RAB3GAP2: variants seen among roughly 807,000 people sequenced by gnomAD.
RAB3GAP2 encodes the protein rab3 GTPase-activating protein non-catalytic subunit.
RAB3GAP2 carries 87 observed loss-of-function variants against 185.3 expected under a neutral mutation model. The observed-to-expected ratio is 0.47, with a 90% CI of 0.39 to 0.56. The LOEUF is 0.56. Among genes scored for constraint, RAB3GAP2 ranks in the 20% least tolerant of loss-of-function variants. The pLI is 0.00. For missense variants in RAB3GAP2, 1,492 were observed against 1,638.2 expected, an observed-to-expected ratio of 0.91 and a Z score of 1.54; for synonymous variants, 554 against 576.1, an observed-to-expected ratio of 0.96 and a Z score of 0.55.
At chr1:220,226,945 G>A (rs1188670042) in intron 2 of RAB3GAP2, among the ~76,000 whole-genome samples, 1 of 152,180 alleles carries the variant, frequency 6.6e-6, no homozygotes, top group East Asian at 1.9e-4. Flanking sequence ...CCCAGCATGT[G>A]TACATAGAAG....
chr1:220,211,876 G>A (rs559422333), intron 4 of RAB3GAP2, among the ~76,000 whole-genome samples: 2 of 152,184 alleles, frequency 1.3e-5, no homozygotes, highest in African/African-American at 4.8e-5. Context: ...ACTAAATGGC[G>A]TAAGGAGAAA....
At chr1:220,190,916 C>A in intron 14 of RAB3GAP2, 152 bp downstream of exon 14, 1 of 749,906 alleles carries the variant, frequency 1.3e-6, no homozygotes, top group Non-Finnish European at 2.3e-6. Flanking sequence ...TACTTAAGTA[C>A]ATGCCAGGCA....
intron 1 of RAB3GAP2, among the ~76,000 whole-genome samples, chr1:220,241,012 T>C (rs539356501): frequency 1.3e-4 from 20 of 152,202 alleles, no homozygotes; most frequent in African/African-American, 4.8e-4. Context: ...AAATGAAACC[T>C]TCAAACCATA....
chr1:220,178,671 C>T lies in RAB3GAP2; in HGVS notation c.2310+3586G>A, dbSNP rs540062392. The stretch of plus-strand genomic sequence containing the variant: ...ATAGATACACAAAAATCAAAAGTAG[C>T]GAATTGAAACATACTACAAGAGAAA... On this transcript the variant is annotated intron_variant, in intron 21 of 34. Transcript: ENST00000358951. Among the ~76,000 whole-genome samples the T allele has an allele frequency of 4.6e-5, 7 of 151,018 alleles. No individual in the cohort carries two copies. The South Asian group carries it at 1.0e-3, about 23-fold the overall frequency.
At chr1:220,167,183 C>T (rs540583809) in intron 26 of RAB3GAP2, 110 bp downstream of exon 26, 40 of 962,484 alleles carry the variant, frequency 4.2e-5, no homozygotes, top group African/African-American at 2.6e-4. Context: ...GGCATTACAA[C>T]GGGGAAAAAG....
intron 31 of RAB3GAP2, among the ~76,000 whole-genome samples, chr1:220,154,852 C>T (rs941867901): frequency 2.6e-5 from 4 of 151,660 alleles, no homozygotes; most frequent in Admixed American, 1.3e-4. Flanking sequence ...TCCCAAGTAG[C>T]TGGGACTACA....
chr1:220,238,260 G>A (rs949106272), intron 1 of RAB3GAP2, among the ~76,000 whole-genome samples: 1 of 152,140 alleles, frequency 6.6e-6, no homozygotes, highest in African/African-American at 2.4e-5. Context: ...GCCCAGGCTG[G>A]TGATGTGTGT....
intron 1 of RAB3GAP2, among the ~76,000 whole-genome samples, chr1:220,271,768 G>A (rs1660336917): frequency 6.6e-6 from 1 of 152,118 alleles, no homozygotes; most frequent in East Asian, 1.9e-4. Context: ...CGGGATGGAA[G>A]AGAGTGGGAG....
intron 1 of RAB3GAP2, chr1:220,254,366 T>G: frequency 6.2e-7 from 1 of 1,613,342 alleles, no homozygotes; most frequent in Non-Finnish European, 8.5e-7. Flanking sequence ...CTCCTGAGAT[T>G]ATTTGTACGA....
chr1:220,157,781 T>G, intron 30 of RAB3GAP2, 21 bp downstream of exon 30: 1 of 1,581,114 alleles, frequency 6.3e-7, no homozygotes, highest in Non-Finnish European at 8.7e-7. Flanking sequence ...CAGTTCAGAA[T>G]GAAAAATACA....
chr1:220,221,504 A>T (rs1331440936), intron 2 of RAB3GAP2, among the ~76,000 whole-genome samples: 1 of 152,218 alleles, frequency 6.6e-6, no homozygotes, highest in African/African-American at 2.4e-5. Context: ...ACTTGCTTTT[A>T]TAAAGGCAAA....
At chr1:220,270,906 C>A (rs1292912665) in intron 1 of RAB3GAP2, among the ~76,000 whole-genome samples, 1 of 152,200 alleles carries the variant, frequency 6.6e-6, no homozygotes, top group Non-Finnish European at 1.5e-5. Context: ...TGCCTCATTG[C>A]CCCAACTCTT....
rs796455441 is a variant in RAB3GAP2 at position 220,163,740 on chromosome 1, CATACATATAT to C, written c.3154+983_3154+992del. On this transcript the variant is annotated intron_variant, in intron 27 of 34. Coordinates refer to ENST00000358951, the MANE Select transcript of RAB3GAP2 (RefSeq NM_012414.4). ...ATCAGTCAAGGTAAATATATAAATACATACATATATATATATATATATATATATATATAGG... is the reference window on the plus strand; with the variant it reads ...ATCAGTCAAGGTAAATATATAAATACATATATATATATATATATATATAGG... Among the ~76,000 whole-genome samples the C allele has an allele frequency of 2.9e-3, 263 of 90,110 alleles. 3 individuals carry two copies. The highest frequency in any genetic ancestry group is 0.023 in the South Asian group (57 of 2,478). 59.1% of individuals were successfully genotyped at this position (90,110 alleles called of 152,430 possible).
intron 9 of RAB3GAP2, among the ~76,000 whole-genome samples, chr1:220,200,836 TCTC>T (rs1180104089): frequency 1.3e-5 from 2 of 152,132 alleles, no homozygotes; most frequent in African/African-American, 4.8e-5. Flanking sequence ...TCCTTCCTCT[TCTC>T]CTTGCTCTTT....
At chr1:220,243,149 T>G (rs1483773330) in intron 1 of RAB3GAP2, among the ~76,000 whole-genome samples, 2 of 151,948 alleles carry the variant, frequency 1.3e-5, no homozygotes, top group South Asian at 2.1e-4. Context: ...GGTCAGGAGA[T>G]CGAGACCATC....
At position 220,212,844 on chromosome 1, in the gene RAB3GAP2, A is replaced by T. The variant is rs780316704; in HGVS notation, c.386+43T>A. ...ACCTACAAGTCAAATAATTTCATAC[A>T]TACATGTAACACACAGAGAAACAAA... On this transcript the variant is annotated intron_variant, in intron 4 of 34. Transcript: ENST00000358951. 11 of 1,437,436 alleles carry T rather than the reference A, an allele frequency of 7.7e-6. No individual in the cohort carries two copies. In the East Asian group the frequency reaches 1.6e-4, roughly 21 times the overall value. The allele number at this position is 1,437,436 out of a possible 1,614,324, so 89.0% of individuals were successfully genotyped here.
chr1:220,246,050 AT>A (rs1031973139), intron 1 of RAB3GAP2, among the ~76,000 whole-genome samples: 4 of 152,314 alleles, frequency 2.6e-5, no homozygotes, highest in Middle Eastern at 3.4e-3. Flanking sequence ...AATATCCAGA[AT>A]CTACAGTGAA....
At chr1:220,215,066 T>C (rs1243812541) in intron 2 of RAB3GAP2, among the ~76,000 whole-genome samples, 2 of 151,426 alleles carry the variant, frequency 1.3e-5, no homozygotes, top group African/African-American at 2.4e-5. Context: ...AATGTCTGCA[T>C]AGTATTCCAT....
chr1:220,163,758 T>C (rs955417063), intron 27 of RAB3GAP2, among the ~76,000 whole-genome samples: 15 of 145,552 alleles, frequency 1.0e-4, no homozygotes, highest in Admixed American at 6.2e-4. Flanking sequence ...TATATATATA[T>C]ATATATATAT....
Sources: gnomAD v4.1 joint callset for allele counts (sites outside exome capture counted in the v4.1 genomes callset) on GRCh38, gnomAD v4.1.1 for gene constraint, MANE v1.5 for transcripts, NCBI Gene and HGNC (gene_info 2026-07-23, HGNC 2026-07-21) for gene names.